Variants in STK38L observed in about 807,000 individuals in gnomAD.
STK38L encodes serine/threonine kinase 38 like, also known as serine/threonine-protein kinase 38-like.
A neutral mutation model predicts 59.7 loss-of-function variants in STK38L; 28 were observed. That is an observed-to-expected ratio of 0.47 (90% CI 0.35 to 0.64). The LOEUF is 0.64. Ranked by LOEUF, STK38L falls within the 30% of genes least tolerant of loss-of-function variation. STK38L has a pLI of 0.01. For missense variants in STK38L, 314 were observed against 555.8 expected (o/e 0.56, Z 4.37); for synonymous variants, 162 against 176.8 (o/e 0.92, Z 0.66).
chr12:27,253,787 G>A (rs1201013477), intron 1 of STK38L, among the ~76,000 whole-genome samples: 2 of 152,192 alleles, frequency 1.3e-5, no homozygotes, highest in Non-Finnish European at 2.9e-5. Flanking sequence ...TGTAAGACAC[G>A]AAGCATATTA....
intron 1 of STK38L, among the ~76,000 whole-genome samples, chr12:27,253,844 A>G (rs1196232322): frequency 1.3e-5 from 2 of 152,196 alleles, no homozygotes; most frequent in Non-Finnish European, 2.9e-5. Context: ...GGACAGGAGC[A>G]ATGAACTTTT....
chr12:27,304,839 G>A (rs1321799376), intron 3 of STK38L, among the ~76,000 whole-genome samples: 3 of 151,856 alleles, frequency 2.0e-5, no homozygotes, highest in African/African-American at 7.3e-5. Context: ...GGCATCTAGG[G>A]TTATATTCTT....
chr12:27,263,464 C>G (rs2346081), intron 1 of STK38L, among the ~76,000 whole-genome samples: 2 of 152,160 alleles, frequency 1.3e-5, no homozygotes, highest in African/African-American at 4.8e-5. Flanking sequence ...TCCTTATTAT[C>G]CCCTTGGAAG....
At chr12:27,275,587 C>T (rs1030117041) in intron 1 of STK38L, among the ~76,000 whole-genome samples, 4 of 152,132 alleles carry the variant, frequency 2.6e-5, no homozygotes, top group African/African-American at 9.7e-5. Context: ...GATCCGCTCA[C>T]CTCGGCCTCC....
At chr12:27,281,607 G>A (rs1039838640) in intron 1 of STK38L, among the ~76,000 whole-genome samples, 1 of 152,210 alleles carries the variant, frequency 6.6e-6, no homozygotes, top group Non-Finnish European at 1.5e-5. Flanking sequence ...AATGCACACA[G>A]TACTGCCTGG....
chr12:27,277,550 G>A (rs1943564352), intron 1 of STK38L, among the ~76,000 whole-genome samples: 2 of 152,104 alleles, frequency 1.3e-5, no homozygotes, highest in Admixed American at 6.6e-5. Context: ...AATTGAGGAA[G>A]GAAGAGCTGT....
At chr12:27,307,160 A>C (rs1318298392) in intron 3 of STK38L, among the ~76,000 whole-genome samples, 1 of 152,196 alleles carries the variant, frequency 6.6e-6, no homozygotes, top group Non-Finnish European at 1.5e-5. Flanking sequence ...TAAAGACATT[A>C]AAAAAAGACA....
chr12:27,268,658 G>A (rs1047260348), intron 1 of STK38L, among the ~76,000 whole-genome samples: 1 of 152,130 alleles, frequency 6.6e-6, no homozygotes, highest in African/African-American at 2.4e-5. Flanking sequence ...TGGGTCAAAT[G>A]GTATTTCTAG....
chr12:27,253,517 T>C (rs779443004), intron 1 of STK38L, among the ~76,000 whole-genome samples: 6 of 152,068 alleles, frequency 3.9e-5, no homozygotes, highest in Non-Finnish European at 7.4e-5. Flanking sequence ...CCAGGAGATA[T>C]GGAAAGGGAA....
chr12:27,306,714 A>AACACGCACACACAC (rs1944322242), intron 3 of STK38L, among the ~76,000 whole-genome samples: 1 of 139,084 alleles, frequency 7.2e-6, no homozygotes, highest in Non-Finnish European at 1.5e-5. Context: ...GAATTTTATA[A>AACACGCACACACAC]ACACACACAC....
intron 1 of STK38L, among the ~76,000 whole-genome samples, chr12:27,253,426 A>T (rs1046417135): frequency 4.4e-5 from 3 of 68,356 alleles, no homozygotes; most frequent in African/African-American, 7.1e-5. Flanking sequence ...GGAAGGAGAG[A>T]CTTGCATGGA....
At chr12:27,287,864 G>A (rs752073542) in intron 1 of STK38L, among the ~76,000 whole-genome samples, 2 of 151,984 alleles carry the variant, frequency 1.3e-5, no homozygotes, top group Non-Finnish European at 2.9e-5. Context: ...CATTCTAAGC[G>A]AAGACTTTAA....
chr12:27,273,259 C>T (rs943914586), intron 1 of STK38L, among the ~76,000 whole-genome samples: 2 of 151,972 alleles, frequency 1.3e-5, no homozygotes, highest in African/African-American at 4.8e-5. Context: ...TGGGAGGGGT[C>T]CTGGACTGGG....
At chr12:27,283,752 A>G (rs1943709673) in intron 1 of STK38L, among the ~76,000 whole-genome samples, 1 of 152,184 alleles carries the variant, frequency 6.6e-6, no homozygotes, top group South Asian at 2.1e-4. Context: ...TATTTTAGAA[A>G]TCTTTTTTCC....
chr12:27,277,461 A>C (rs1465891014), intron 1 of STK38L, among the ~76,000 whole-genome samples: 1 of 152,028 alleles, frequency 6.6e-6, no homozygotes, highest in Admixed American at 6.6e-5. Flanking sequence ...AGGGTTAAAT[A>C]GTCTTTAACT....
intron 1 of STK38L, among the ~76,000 whole-genome samples, chr12:27,263,771 C>T (rs959661305): frequency 6.6e-6 from 1 of 152,184 alleles, no homozygotes; most frequent in African/African-American, 2.4e-5. Flanking sequence ...AGGCGTGGCT[C>T]CTGCCTTCAA....
intron 1 of STK38L, among the ~76,000 whole-genome samples, chr12:27,272,750 T>TC (rs1206956010): frequency 1.1e-4 from 17 of 152,126 alleles, no homozygotes; most frequent in African/African-American, 2.4e-4. Flanking sequence ...AAAACCTCTT[T>TC]CCCCCAACAC....
chr12:27,313,485 G>A (rs1415823956), intron 6 of STK38L, among the ~76,000 whole-genome samples: 2 of 151,896 alleles, frequency 1.3e-5, no homozygotes, highest in Non-Finnish European at 2.9e-5. Context: ...GGGTTCAAGC[G>A]ATTCTCCTGT....
chr12:27,275,408 G>A (rs556900323), intron 1 of STK38L, among the ~76,000 whole-genome samples: 201 of 149,692 alleles, frequency 1.3e-3, no homozygotes, highest in Admixed American at 2.3e-3. Flanking sequence ...CAATGGTGTG[G>A]TCTCAGCTCA....
Sources: allele counts gnomAD v4.1 joint callset (sites outside exome capture counted in the v4.1 genomes callset), GRCh38; gene constraint gnomAD v4.1.1; transcripts MANE v1.5; gene names NCBI Gene and HGNC (gene_info 2026-07-23, HGNC 2026-07-21).